Variants in KLHL29 observed in about 807,000 individuals in gnomAD.
The protein encoded by KLHL29 is kelch like family member 29, also known as kelch-like protein 29.
KLHL29 carries 21 observed loss-of-function variants against 80.4 expected under a neutral mutation model. The observed-to-expected ratio is 0.26, with a 90% confidence interval of 0.19 to 0.38. KLHL29 has a LOEUF of 0.38. Among genes scored for constraint, KLHL29 ranks in the 10% least tolerant of loss-of-function variants. The pLI is 1.00. For synonymous variants in KLHL29, 511 were observed against 526.8 expected (o/e 0.97, Z 0.41); for missense variants, 867 against 1,223.9 (o/e 0.71, Z 4.35).
chr2:23,591,900 C>A (rs1323679802), intron 3 of KLHL29, among the ~76,000 whole-genome samples: 1 of 152,270 alleles, frequency 6.6e-6, no homozygotes, highest in African/African-American at 2.4e-5. Context: ...ACTCCTTCCT[C>A]TTCCTTTATC....
At chr2:23,417,050 C>G (rs1666994813) in intron 1 of KLHL29, among the ~76,000 whole-genome samples, 1 of 152,168 alleles carries the variant, frequency 6.6e-6, no homozygotes, top group East Asian at 1.9e-4. Flanking sequence ...AGCCTGGGAG[C>G]CTTCCTGAAT....
intron 3 of KLHL29, among the ~76,000 whole-genome samples, chr2:23,627,638 C>G (rs916016650): frequency 1.3e-5 from 2 of 152,202 alleles, no homozygotes; most frequent in African/African-American, 4.8e-5. Context: ...CTGTTTGTCT[C>G]TTTGTCTCGC....
At chr2:23,395,522 G>A (rs1391664446) in intron 1 of KLHL29, among the ~76,000 whole-genome samples, 3 of 152,102 alleles carry the variant, frequency 2.0e-5, no homozygotes, top group Admixed American at 6.5e-5. Flanking sequence ...CGAGGTGGGC[G>A]GATCATGAAG....
intron 1 of KLHL29, among the ~76,000 whole-genome samples, chr2:23,399,508 A>C (rs1435915677): frequency 2.6e-5 from 4 of 152,068 alleles, no homozygotes; most frequent in African/African-American, 9.7e-5. Flanking sequence ...CAATTTAGCA[A>C]CTCTTCTAGG....
chr2:23,700,411 G>A lies in KLHL29; in HGVS notation c.2106-2775G>A, dbSNP rs1011999599. Among the ~76,000 whole-genome samples the A allele has an allele frequency of 6.6e-6, 1 of 152,034 alleles. No homozygotes were observed. Among genetic ancestry groups the A allele is most frequent in the Non-Finnish European group, 1.5e-5 (1 of 68,024 alleles). ...TTTTACTACATGTTACTACTCTCTT[G>A]GGCCTTGAGGTTATATATGCCTATT... On this transcript the variant is annotated intron_variant, in intron 11 of 13. Transcript: ENST00000486442. The surrounding 1 kb of genome is among the most constrained non-coding windows in gnomAD (Gnocchi z 4.6).
intron 1 of KLHL29, among the ~76,000 whole-genome samples, chr2:23,459,058 G>A (rs993453018): frequency 6.6e-6 from 1 of 152,172 alleles, no homozygotes; most frequent in African/African-American, 2.4e-5. Context: ...GAGGTAAGAG[G>A]TATGTCGAGG....
At chr2:23,432,041 G>C (rs556219334) in intron 1 of KLHL29, among the ~76,000 whole-genome samples, 1 of 152,012 alleles carries the variant, frequency 6.6e-6, no homozygotes, top group Non-Finnish European at 1.5e-5. Context: ...AACTATGGAC[G>C]TCAATTCCAG....
rs1572482978 is a variant in KLHL29 at position 23,670,972 on chromosome 2, CT to C, written c.941-13426del. ...TCTCTCTCTCTCTCTCTCTCTCTCT[CT>C]CTCTCTCCCTCCCTCCCTCCCTCCC... On this transcript the variant is annotated intron_variant, in intron 5 of 13. Transcript: ENST00000486442. Among the ~76,000 whole-genome samples, 42 of 22,542 alleles carry C rather than the reference CT, an allele frequency of 1.9e-3. 12 individuals are homozygous for C. Among genetic ancestry groups the C allele is most frequent in the South Asian group, 6.1e-3 (2 of 330 alleles). 14.8% of individuals were successfully genotyped at this position (22,542 alleles called of 152,430 possible). A position where few individuals can be genotyped will look rare whatever the true frequency, so the allele number is the denominator to read the frequency against.
intron 2 of KLHL29, among the ~76,000 whole-genome samples, chr2:23,544,230 G>A (rs527288950): frequency 6.6e-6 from 1 of 152,286 alleles, no homozygotes; most frequent in Non-Finnish European, 1.5e-5. Flanking sequence ...ATTGCAGCGT[G>A]CTTCATTCAC....
chr2:23,701,836 C>T (rs1210884729), intron 11 of KLHL29, among the ~76,000 whole-genome samples: 1 of 129,744 alleles, frequency 7.7e-6, no homozygotes, highest in Non-Finnish European at 1.6e-5. Flanking sequence ...GAGTTTTGCT[C>T]GTTGCCCAGG....
intron 3 of KLHL29, among the ~76,000 whole-genome samples, chr2:23,582,458 G>A (rs1433081661): frequency 3.3e-5 from 5 of 152,154 alleles, no homozygotes; most frequent in East Asian, 1.9e-4. Flanking sequence ...GAGAAGATCC[G>A]GGGACCCCTA....
At chr2:23,648,371 TTACTG>T (rs764560696) in intron 5 of KLHL29, among the ~76,000 whole-genome samples, 121 of 152,192 alleles carry the variant, frequency 8.0e-4, no homozygotes, top group Non-Finnish European at 1.4e-3. Flanking sequence ...TGTGATTACT[TTACTG>T]GTACCAGGGC....
chr2:23,650,673 A>C (rs1670065332), intron 5 of KLHL29, among the ~76,000 whole-genome samples: 2 of 152,198 alleles, frequency 1.3e-5, no homozygotes, highest in Admixed American at 1.3e-4. Context: ...CCTGACAGGG[A>C]AATCAGGTGC....
chr2:23,635,398 TC>T (rs1328774133), intron 3 of KLHL29, among the ~76,000 whole-genome samples: 1 of 152,024 alleles, frequency 6.6e-6, no homozygotes, highest in South Asian at 2.1e-4. Context: ...CACAGCTGGT[TC>T]CCCCCAAGCT....
intron 1 of KLHL29, among the ~76,000 whole-genome samples, chr2:23,406,356 C>G (rs1321140898): frequency 6.7e-6 from 1 of 149,384 alleles, no homozygotes; most frequent in Non-Finnish European, 1.5e-5. Context: ...AAAGAAAACA[C>G]ACATATTATC....
intron 3 of KLHL29, among the ~76,000 whole-genome samples, chr2:23,601,718 C>G (rs138251870): frequency 6.6e-5 from 10 of 152,326 alleles, no homozygotes; most frequent in Admixed American, 3.3e-4. Flanking sequence ...GGCACCTTCC[C>G]CACTCAGTAG....
rs556835202 is a variant in KLHL29 at position 23,673,646 on chromosome 2, C to A, written c.941-10753C>A. 1.7e-4 allele frequency among the ~76,000 whole-genome samples: 26 copies of A among 149,338 alleles called. No homozygotes were observed. The South Asian group carries it at 5.2e-3, about 30-fold the overall frequency. Reference sequence around the variant, plus strand: ...CTCACACACACACATACACACACACCCCTACACAGACACATACACAGGGGT... The same window carrying A: ...CTCACACACACACATACACACACACACCTACACAGACACATACACAGGGGT... On this transcript the variant is annotated intron_variant, in intron 5 of 13. Transcript: ENST00000486442.
At chr2:23,702,463 C>T (rs899256612) in intron 11 of KLHL29, among the ~76,000 whole-genome samples, 6 of 152,142 alleles carry the variant, frequency 3.9e-5, no homozygotes, top group African/African-American at 1.2e-4. Context: ...AATCCTAAGT[C>T]GGGGACTGTC....
At chr2:23,534,187 C>A (rs1274442185) in intron 2 of KLHL29, among the ~76,000 whole-genome samples, 1 of 152,184 alleles carries the variant, frequency 6.6e-6, no homozygotes, top group Non-Finnish European at 1.5e-5. Flanking sequence ...GGCTTCAGAT[C>A]ATGAGACCTG....
Sources: allele counts gnomAD v4.1 joint callset (sites outside exome capture counted in the v4.1 genomes callset), GRCh38; gene constraint gnomAD v4.1.1; non-coding constraint Gnocchi (gnomAD v3.1); transcripts MANE v1.5; gene names NCBI Gene and HGNC (gene_info 2026-07-23, HGNC 2026-07-21).